OMA1: variants seen among roughly 807,000 people sequenced by gnomAD.
OMA1 encodes OMA1 zinc metallopeptidase, also known as metalloendopeptidase OMA1, mitochondrial.
Under a neutral mutation model 30.9 loss-of-function variants are expected in OMA1, and 38 were observed. That is an observed-to-expected ratio of 1.23 (90% confidence interval 0.95 to 1.61). The LOEUF (loss-of-function observed/expected upper bound fraction) is 1.61. Ranked by LOEUF, OMA1 falls within the 40% of genes most tolerant of loss-of-function variation. The pLI is 0.00. For missense variants in OMA1, 461 were observed against 349.2 expected, an observed-to-expected ratio of 1.32 and a Z score of -2.55; for synonymous variants, 173 against 121.9, an observed-to-expected ratio of 1.42 and a Z score of -2.76.
intron 5 of OMA1, among the ~76,000 whole-genome samples, chr1:58,531,668 T>G (rs775161320): frequency 8.6e-5 from 13 of 152,004 alleles, no homozygotes; most frequent in Non-Finnish European, 8.8e-5. Flanking sequence ...CCTCATTACT[T>G]TGCCTCAAAA....
At chr1:58,527,235 G>A (rs1242147168) in intron 7 of OMA1, 26 bp downstream of exon 7, 1 of 869,828 alleles carries the variant, frequency 1.1e-6, no homozygotes, top group Admixed American at 1.7e-5. Flanking sequence ...AGGGCATTAT[G>A]TATTCTCAAC....
chr1:58,492,319 T>G (rs1645710636), intron 8 of OMA1, among the ~76,000 whole-genome samples: 2 of 151,702 alleles, frequency 1.3e-5, no homozygotes, highest in African/African-American at 4.9e-5. Context: ...GCAGGAAAGA[T>G]CTAAAATTGA....
chr1:58,505,162 G>A (rs1218581614), intron 8 of OMA1, among the ~76,000 whole-genome samples: 3 of 152,132 alleles, frequency 2.0e-5, no homozygotes, highest in Non-Finnish European at 4.4e-5. Flanking sequence ...CCGTTGGCCA[G>A]GCTGGTCTCG....
chr1:58,483,159 C>T (rs1645517796), intron 8 of OMA1, among the ~76,000 whole-genome samples: 1 of 152,136 alleles, frequency 6.6e-6, no homozygotes, highest in Non-Finnish European at 1.5e-5. Context: ...ACTAGCCTGC[C>T]ATCTGCCCCC....
chr1:58,506,012 A>G, intron 8 of OMA1, 48 bp downstream of exon 8: 1 of 801,278 alleles, frequency 1.2e-6, no homozygotes, highest in Non-Finnish European at 2.2e-6. Flanking sequence ...CATTAAAAAT[A>G]AATGATACAG....
rs528925999 is a variant in OMA1 at position 58,530,720 on chromosome 1, C to G, written c.1021G>C (p.Ala341Pro). Residue 341 changes from alanine (A) to proline (P), a missense_variant, in exon 6 of 9, where the codon GCT (alanine) becomes CCT (proline). Coordinates refer to ENST00000371226, the MANE Select transcript of OMA1 (RefSeq NM_145243.5). ...AAATCCAACAAATGAACCATGCCAG[C>G]CTTTTCTGCCTAAGAATAATCAAAA... ...HAVLGHAAEK[A>P]GMVHLLDFLG... 3.4e-6 allele frequency: 3 copies of G among 872,236 alleles called. No homozygotes were observed. In the African/African-American group the frequency reaches 4.9e-5, roughly 14 times the overall value. 54.0% of individuals were successfully genotyped at this position (872,236 alleles called of 1,614,324 possible).
chr1:58,539,991 C>A (rs762883153), intron 1 of OMA1, among the ~76,000 whole-genome samples: 1 of 152,110 alleles, frequency 6.6e-6, no homozygotes, highest in African/African-American at 2.4e-5. Flanking sequence ...TCAGCTGAGT[C>A]CTGTCTGGGC....
intron 7 of OMA1, among the ~76,000 whole-genome samples, chr1:58,522,944 G>A (rs1478995621): frequency 2.0e-5 from 3 of 152,122 alleles, no homozygotes; most frequent in East Asian, 3.9e-4. Flanking sequence ...GAGGTAGAAC[G>A]GGAGACAGGA....
At chr1:58,544,501 C>T (rs916512094) in intron 1 of OMA1, among the ~76,000 whole-genome samples, 4 of 152,148 alleles carry the variant, frequency 2.6e-5, no homozygotes, top group African/African-American at 4.8e-5. Flanking sequence ...AGTATTTTCA[C>T]CTTATATATT....
At chr1:58,513,943 C>G (rs188468101) in intron 7 of OMA1, among the ~76,000 whole-genome samples, 2 of 152,206 alleles carry the variant, frequency 1.3e-5, no homozygotes, top group Admixed American at 1.3e-4. Flanking sequence ...AGAGTTTTTG[C>G]CCCTGGGTCA....
At chr1:58,530,148 T>C (rs1156976886) in intron 6 of OMA1, among the ~76,000 whole-genome samples, 3 of 152,182 alleles carry the variant, frequency 2.0e-5, no homozygotes, top group Non-Finnish European at 4.4e-5. Context: ...CCCAAAGTGC[T>C]GAGATTACAG....
At chr1:58,487,475 G>A (rs1645594969) in intron 8 of OMA1, among the ~76,000 whole-genome samples, 1 of 152,090 alleles carries the variant, frequency 6.6e-6, no homozygotes, top group South Asian at 2.1e-4. Flanking sequence ...ATTTATGCTT[G>A]TAAAATGAAT....
Position 58,536,620 on chromosome 1 carries a change from C to T in OMA1, c.622G>A (p.Val208Met). The T allele has an allele frequency of 3.4e-6, 3 of 872,824 alleles. No homozygotes were observed. The highest frequency in any genetic ancestry group is 2.2e-4 in the Middle Eastern group (1 of 4,610). The allele number at this position is 872,824 out of a possible 1,614,324, so 54.1% of individuals were successfully genotyped here. Residue 208 changes from valine to methionine, a missense_variant, in exon 3 of 9, where the codon GTG (valine) becomes ATG (methionine). Physicochemically the swap from Val to Met is conservative, Grantham distance 21 (BLOSUM62 1). Coordinates refer to ENST00000371226, the MANE Select transcript of OMA1 (RefSeq NM_145243.5). ...GLSSFGLLFV[V>M]FYFTHLEVSP... ...ACTTCCAGGTGAGTAAAATAAAACA[C>T]CACAAAGAGCAATCCAAAACTACTC...
At chr1:58,504,769 C>G (rs986054118) in intron 8 of OMA1, among the ~76,000 whole-genome samples, 1 of 152,090 alleles carries the variant, frequency 6.6e-6, no homozygotes, top group African/African-American at 2.4e-5. Context: ...AACTGCATAC[C>G]GTTTTTATTT....
chr1:58,510,914 G>A (rs957759158), intron 7 of OMA1, among the ~76,000 whole-genome samples: 4 of 151,902 alleles, frequency 2.6e-5, no homozygotes, highest in African/African-American at 9.7e-5. Context: ...ACCAAACTAA[G>A]GAGGTGAAAG....
intron 7 of OMA1, among the ~76,000 whole-genome samples, chr1:58,518,959 A>C (rs1039308885): frequency 2.6e-5 from 4 of 152,216 alleles, no homozygotes; most frequent in African/African-American, 9.6e-5. Context: ...TCATAATCAC[A>C]CAGCTAGTAC....
At chr1:58,487,426 T>C (rs945115957) in intron 8 of OMA1, among the ~76,000 whole-genome samples, 2 of 152,254 alleles carry the variant, frequency 1.3e-5, no homozygotes, top group Non-Finnish European at 2.9e-5. Context: ...ATAAATTCTT[T>C]TAAAGTTATT....
chr1:58,506,435 C>CTT (rs1645991777), intron 7 of OMA1, among the ~76,000 whole-genome samples: 1 of 152,156 alleles, frequency 6.6e-6, no homozygotes, highest in African/African-American at 2.4e-5. Flanking sequence ...CTTTATGTCA[C>CTT]TACATGCTTT....
At chr1:58,482,882 T>C (rs1308581257) in intron 8 of OMA1, among the ~76,000 whole-genome samples, 1 of 152,076 alleles carries the variant, frequency 6.6e-6, no homozygotes, top group Non-Finnish European at 1.5e-5. Context: ...TCACAGGTCA[T>C]GCTAAGGATT....
Sources: gnomAD v4.1 joint callset for allele counts (sites outside exome capture counted in the v4.1 genomes callset) on GRCh38, gnomAD v4.1.1 for gene constraint, MANE v1.5 for transcripts, NCBI Gene and HGNC (gene_info 2026-07-23, HGNC 2026-07-21) for gene names.